The following CPNE3 variants were observed in gnomAD, a reference collection of about 807,000 sequenced individuals.
CPNE3 encodes the protein copine 3.
A neutral mutation model predicts 63.9 loss-of-function variants in CPNE3; 68 were observed. That is an observed-to-expected ratio of 1.06 (90% CI 0.87 to 1.30). CPNE3 has a LOEUF of 1.30. Among genes scored for constraint, CPNE3 ranks in the 50% most tolerant of loss-of-function variants. The probability of loss-of-function intolerance (pLI) is 0.00; values close to 1 mark genes in which losing one functional copy is unlikely to be tolerated. For synonymous variants in CPNE3, 219 were observed against 197.5 expected, an observed-to-expected ratio of 1.11 and a Z score of -0.91; for missense variants, 665 against 578.1, an observed-to-expected ratio of 1.15 and a Z score of -1.54.
chr8:86,532,427 A>T, intron 5 of CPNE3, 82 bp from the exon 6 acceptor site: 1 of 943,842 alleles, frequency 1.1e-6, no homozygotes, highest in Non-Finnish European at 1.6e-6. Context: ...GCTTTATATT[A>T]GATAACAGAA....
intron 6 of CPNE3, 67 bp downstream of exon 6, chr8:86,532,647 G>A: frequency 2.2e-6 from 3 of 1,370,874 alleles, no homozygotes; most frequent in African/African-American, 2.9e-5. Context: ...AAATAAAAAT[G>A]CAGTTAATAT....
At position 86,515,398 on chromosome 8, in the gene CPNE3, A is replaced by G. The variant is rs373295436; in HGVS notation, c.-48-64A>G. Reference sequence around the variant, plus strand: ...AACAACTGTGCTAGACAGTTTTTATATGTTAGGTTATTTAACGCTCCCAAG... The same window carrying G: ...AACAACTGTGCTAGACAGTTTTTATGTGTTAGGTTATTTAACGCTCCCAAG... On this transcript the variant is annotated intron_variant, in intron 1 of 16. Coordinates refer to ENST00000517490, the MANE Select transcript of CPNE3 (RefSeq NM_003909.5). 8 of 152,320 alleles carry G rather than the reference A, an allele frequency of 5.3e-5. 1 individual carries two copies. Among genetic ancestry groups the G allele is most frequent in the East Asian group, 3.9e-4 (2 of 5,180 alleles). The allele number at this position is 152,320 out of a possible 1,614,324, so 9.4% of individuals were successfully genotyped here. A position where few individuals can be genotyped will look rare whatever the true frequency, so the allele number is the denominator to read the frequency against.
rs1298067439 is a variant in CPNE3, at chr8:86,560,836, T to C, written c.*2426T>C. 1.3e-5 allele frequency: 2 copies of C among 152,346 alleles called. No individual in the cohort carries two copies. The highest frequency in any genetic ancestry group is 1.3e-4 in the Admixed American group (2 of 15,306). 9.4% of individuals were successfully genotyped at this position (152,346 alleles called of 1,614,324 possible). A position where few individuals can be genotyped will look rare whatever the true frequency, so the allele number is the denominator to read the frequency against. On this transcript the variant is annotated 3_prime_UTR_variant, in exon 17 of 17. Transcript: ENST00000517490. ...CCTGTTGTGCCACCATTCATTTAAG[T>C]GCTGTTTGTTCTTAAAATGCATTTA...
At chr8:86,556,874 A>T (rs1167268953) in intron 16 of CPNE3, among the ~76,000 whole-genome samples, 1 of 152,170 alleles carries the variant, frequency 6.6e-6, no homozygotes, top group African/African-American at 2.4e-5. Flanking sequence ...TCATTTCTAT[A>T]ATCTTATCAT....
At chr8:86,526,764 G>A (rs142138753) in intron 2 of CPNE3, among the ~76,000 whole-genome samples, 5,732 of 152,224 alleles carry the variant, frequency 0.038, 162 homozygotes, top group Middle Eastern at 0.082. Flanking sequence ...CACCTGCCTT[G>A]GCCTCCCAAA....
chr8:86,545,687 G>A (rs1188591219), intron 9 of CPNE3, among the ~76,000 whole-genome samples: 1 of 152,052 alleles, frequency 6.6e-6, no homozygotes, highest in Non-Finnish European at 1.5e-5. Flanking sequence ...TTGATTCTTG[G>A]AAAACTAGTA....
At chr8:86,519,723 T>G (rs1338524823) in intron 2 of CPNE3, among the ~76,000 whole-genome samples, 1 of 152,222 alleles carries the variant, frequency 6.6e-6, no homozygotes, top group Non-Finnish European at 1.5e-5. Flanking sequence ...CTTTTTTTGT[T>G]TTGTTTTGAA....
intron 12 of CPNE3, among the ~76,000 whole-genome samples, chr8:86,550,617 G>A (rs957267368): frequency 1.3e-5 from 2 of 152,122 alleles, no homozygotes; most frequent in Non-Finnish European, 2.9e-5. Flanking sequence ...TTTGTATTAA[G>A]TGGCATAAAT....
At position 86,558,437 on chromosome 8, in the gene CPNE3, A is replaced by C. The variant is rs1062850; in HGVS notation, c.*27A>C. The C allele has an allele frequency of 0.55, 482,051 of 872,146 alleles. 140,083 individuals carry two copies. The highest frequency in any genetic ancestry group is 0.62 in the Non-Finnish European group (310,491 of 501,228). 54.0% of individuals were successfully genotyped at this position (872,146 alleles called of 1,614,324 possible). On this transcript the variant is annotated 3_prime_UTR_variant, in exon 17 of 17. Coordinates refer to ENST00000517490, the MANE Select transcript of CPNE3 (RefSeq NM_003909.5). ...CACTTCAACAGAATTCTTTTGTGTT[A>C]TGTGGAGCAATGCCATCTCTCACCC...
chr8:86,550,760 A>G (rs1821155546), intron 12 of CPNE3, among the ~76,000 whole-genome samples: 2 of 152,244 alleles, frequency 1.3e-5, no homozygotes, highest in Admixed American at 1.3e-4. Context: ...CACTGAAATG[A>G]TACACAAGAT....
At chr8:86,524,112 G>C (rs796397179) in intron 2 of CPNE3, among the ~76,000 whole-genome samples, 1 of 152,200 alleles carries the variant, frequency 6.6e-6, no homozygotes, top group South Asian at 2.1e-4. Flanking sequence ...TGAAGTTAGG[G>C]TTGTGACTCT....
At chr8:86,552,908 T>C (rs7009059) in intron 14 of CPNE3, among the ~76,000 whole-genome samples, 63,699 of 74,250 alleles carry the variant, frequency 0.86, 27,990 homozygotes, top group African/African-American at 0.94. Context: ...GGCACGATCT[T>C]GGCTCACTGC....
Position 86,548,289 on chromosome 8 carries a change from G to T in CPNE3, c.880-12G>T. On this transcript the variant is annotated splice_polypyrimidine_tract_variant and intron_variant, in intron 11 of 16. Coordinates refer to ENST00000517490, the MANE Select transcript of CPNE3 (RefSeq NM_003909.5). ...CTTCTCCTTACTAAGGGCTGCAATT[G>T]TTATTTGGCAGGTGGGAGTGGACTT... The T allele has an allele frequency of 1.2e-6, 2 of 1,613,652 alleles. No homozygotes were observed. Among genetic ancestry groups the T allele is most frequent in the Non-Finnish European group, 1.7e-6 (2 of 1,179,882 alleles).
At chr8:86,521,371 C>T (rs571490791) in intron 2 of CPNE3, among the ~76,000 whole-genome samples, 7 of 152,246 alleles carry the variant, frequency 4.6e-5, no homozygotes, top group African/African-American at 1.7e-4. Context: ...GTTTAAGAAC[C>T]ATATAACTAG....
chr8:86,557,310 T>A (rs1182033329), intron 16 of CPNE3, among the ~76,000 whole-genome samples: 1 of 152,088 alleles, frequency 6.6e-6, no homozygotes, highest in Non-Finnish European at 1.5e-5. Context: ...TTTTTTTCTA[T>A]TTTTTAGTAG....
chr8:86,544,765 A>G lies in CPNE3; in HGVS notation c.659A>G (p.Asp220Gly). The G allele has an allele frequency of 1.3e-6, 2 of 1,550,420 alleles. No individual in the cohort carries two copies. Among genetic ancestry groups the G allele is most frequent in the Non-Finnish European group, 1.7e-6 (2 of 1,146,348 alleles). The change falls in exon 9 of 17, where the codon GAT (aspartate) becomes GGT (glycine). Residue 220 changes from aspartate to glycine, a missense_variant. Asp to Gly is a moderately conservative substitution (Grantham distance 94, BLOSUM62 -1). Transcript: ENST00000517490. ...IKVECYDYDN[D>G]GSHDLIGTFQ... ...GTGGAGTGTTATGATTATGACAATG[A>G]TGGGTCACATGATCTCATTGGAACA...
In CPNE3 at chr8:86,548,428, A is replaced by T; in HGVS notation, c.1007A>T (p.Tyr336Phe). The T allele has an allele frequency of 6.2e-7, 1 of 1,614,052 alleles. No homozygotes were observed. The highest frequency in any genetic ancestry group is 8.5e-7 in the Non-Finnish European group (1 of 1,179,968). ...TCTGTGGGACTGGTCATTCAAGATT[A>T]TGATGCGTGAGTATGACTTTGGAAA... ...LWSVGLVIQDYDADKMFPAFG... is the reference protein window; with the variant it reads ...LWSVGLVIQDFDADKMFPAFG... Residue 336 changes from tyrosine (Y) to phenylalanine (F), a missense_variant, in exon 12 of 17, where the codon TAT becomes TTT. By Grantham distance (22) the Tyr-to-Phe change is conservative. Coordinates refer to ENST00000517490, the MANE Select transcript of CPNE3 (RefSeq NM_003909.5).
intron 9 of CPNE3, chr8:86,545,131 C>A: frequency 5.3e-6 from 1 of 187,116 alleles, no homozygotes; most frequent in Non-Finnish European, 1.1e-5. Flanking sequence ...AATCCTTTTG[C>A]CTATTGTATC....
At chr8:86,520,891 G>A (rs969714436) in intron 2 of CPNE3, among the ~76,000 whole-genome samples, 3 of 152,018 alleles carry the variant, frequency 2.0e-5, no homozygotes, top group Non-Finnish European at 4.4e-5. Flanking sequence ...GACCTCAGGT[G>A]ATCTGCCCAG....
Sources: allele counts gnomAD v4.1 joint callset (sites outside exome capture counted in the v4.1 genomes callset), GRCh38; gene constraint gnomAD v4.1.1; transcripts MANE v1.5; gene names NCBI Gene and HGNC (gene_info 2026-07-23, HGNC 2026-07-21).